The following NEK1 variants were observed in gnomAD, a reference collection of about 807,000 sequenced individuals.
NEK1 encodes the protein serine/threonine-protein kinase Nek1.
A neutral mutation model predicts 182.1 loss-of-function variants in NEK1; 137 were observed. That is an observed-to-expected ratio of 0.75 (90% CI 0.65 to 0.87). The LOEUF is 0.87. NEK1 is among the 40% of genes least tolerant of loss of function. The pLI is 0.00. For synonymous variants in NEK1, 513 were observed against 492.2 expected (o/e 1.04, Z -0.56); for missense variants, 1,391 against 1,494.4 (o/e 0.93, Z 1.14).
intron 31 of NEK1, 147 bp downstream of exon 31, chr4:169,424,406 T>G: frequency 1.1e-6 from 1 of 951,540 alleles, no homozygotes. Flanking sequence ...CAATTGCAAT[T>G]TATTTGCTCA....
intron 18 of NEK1, among the ~76,000 whole-genome samples, chr4:169,543,605 T>A (rs1366836795): frequency 6.6e-6 from 1 of 152,258 alleles, no homozygotes; most frequent in Admixed American, 6.5e-5. Context: ...ATATTGGTTC[T>A]TCCTATCCAT....
At position 169,506,933 on chromosome 4, in the gene NEK1, CAG is replaced by C. The variant is rs1009043543; in HGVS notation, c.2007+102_2007+103del. 4 of 608,060 alleles carry C rather than the reference CAG, an allele frequency of 6.6e-6. No homozygotes were observed. In the African/African-American group the frequency reaches 1.1e-4, roughly 16 times the overall value. 37.7% of individuals were successfully genotyped at this position (608,060 alleles called of 1,614,324 possible). The stretch of plus-strand genomic sequence containing the variant: ...GAGAGAGAGAATGAGAATGAAAAAA[CAG>C]AAAAAAAAAAGCACAAGAAAATTAT... On this transcript the variant is annotated intron_variant, in intron 23 of 35. Transcript: ENST00000507142.
intron 23 of NEK1, among the ~76,000 whole-genome samples, chr4:169,486,533 A>T (rs1417416387): frequency 6.6e-6 from 1 of 152,244 alleles, no homozygotes; most frequent in African/African-American, 2.4e-5. Flanking sequence ...CATATTTTGA[A>T]TAGAGTAATT....
chr4:169,496,285 A>G (rs1202797711), intron 23 of NEK1, among the ~76,000 whole-genome samples: 1 of 151,970 alleles, frequency 6.6e-6, no homozygotes, highest in East Asian at 1.9e-4. Flanking sequence ...GTTGCCTATC[A>G]GCTTAAGGAG....
intron 4 of NEK1, among the ~76,000 whole-genome samples, chr4:169,600,865 G>A (rs914725732): frequency 2.6e-5 from 4 of 151,958 alleles, no homozygotes; most frequent in African/African-American, 4.8e-5. Flanking sequence ...TTTAAAATAC[G>A]CTACCCCTTT....
At chr4:169,435,788 C>T (rs1315347637) in intron 28 of NEK1, among the ~76,000 whole-genome samples, 3 of 152,112 alleles carry the variant, frequency 2.0e-5, no homozygotes, top group Admixed American at 6.5e-5. Flanking sequence ...CGTCATTTTG[C>T]GTCTTCCAAA....
intron 18 of NEK1, among the ~76,000 whole-genome samples, chr4:169,540,962 C>T (rs1490438387): frequency 6.6e-6 from 1 of 151,250 alleles, no homozygotes; most frequent in Non-Finnish European, 1.5e-5. Context: ...GAATAAGCAA[C>T]AAGATTTGGC....
At chr4:169,458,602 C>A (rs918574635) in intron 27 of NEK1, among the ~76,000 whole-genome samples, 2 of 152,012 alleles carry the variant, frequency 1.3e-5, no homozygotes, top group Admixed American at 1.3e-4. Context: ...ATGATGCACA[C>A]TGGTGGTCCC....
In NEK1 at chr4:169,464,243, A is replaced by C. The variant is rs569695945; in HGVS notation, c.2435-848T>G. On this transcript the variant is annotated intron_variant, in intron 26 of 35. Transcript: ENST00000507142. ...AATGTGTTTAAGATAACTAAGCAGC[A>C]CAGTATTATCACCAGAATACCTGAG... is the stretch of plus-strand genomic sequence containing the variant. 2.4e-4 allele frequency among the ~76,000 whole-genome samples: 37 copies of C among 152,314 alleles called. No homozygotes were observed. In the East Asian group the frequency reaches 3.1e-3, roughly 13 times the overall value.
chr4:169,449,014 G>A lies in NEK1; in HGVS notation c.2588-10755C>T, dbSNP rs980113428. Among the ~76,000 whole-genome samples, 5 of 152,336 alleles carry A rather than the reference G, an allele frequency of 3.3e-5. No homozygotes were observed. In the South Asian group the frequency reaches 1.0e-3, roughly 32 times the overall value. ...GACTAGGTGATTCTCTCCTGTGCCTGGCTCGGCAGGTCCCACGCCCACAGA... is the reference window on the plus strand; with the variant it reads ...GACTAGGTGATTCTCTCCTGTGCCTAGCTCGGCAGGTCCCACGCCCACAGA... On this transcript the variant is annotated intron_variant, in intron 27 of 35. Transcript: ENST00000507142.
chr4:169,486,580 C>T (rs1749081217), intron 23 of NEK1, among the ~76,000 whole-genome samples: 1 of 152,136 alleles, frequency 6.6e-6, no homozygotes, highest in Non-Finnish European at 1.5e-5. Flanking sequence ...TATATCATGG[C>T]CAAATCTTAT....
At chr4:169,524,955 C>T (rs530671762) in intron 19 of NEK1, among the ~76,000 whole-genome samples, 92 of 152,230 alleles carry the variant, frequency 6.0e-4, no homozygotes, top group African/African-American at 2.1e-3. Context: ...CAAGCAAAGC[C>T]ACGAATGCTT....
rs540091064 is a variant in NEK1 at position 169,597,103 on chromosome 4, G to A, written c.312+1997C>T. Among the ~76,000 whole-genome samples, 7 of 152,258 alleles carry A rather than the reference G, an allele frequency of 4.6e-5. No individual in the cohort carries two copies. The South Asian group carries it at 1.5e-3, about 32-fold the overall frequency. ...TTTAATAGCAAACATTTTAAAGTTC[G>A]ATAGGGATAAATGAATGAAAATAAG... On this transcript the variant is annotated intron_variant, in intron 5 of 35. Coordinates refer to ENST00000507142, the MANE Select transcript of NEK1 (RefSeq NM_001199397.3).
chr4:169,511,488 G>A (rs1754171846), intron 19 of NEK1, among the ~76,000 whole-genome samples: 1 of 152,028 alleles, frequency 6.6e-6, no homozygotes, highest in South Asian at 2.1e-4. Flanking sequence ...TTACTCTGAA[G>A]TTTTAAAACC....
intron 31 of NEK1, among the ~76,000 whole-genome samples, chr4:169,415,178 C>T (rs1379776024): frequency 6.6e-6 from 1 of 152,186 alleles, no homozygotes; most frequent in Non-Finnish European, 1.5e-5. Context: ...TAAACAAAAG[C>T]ATGAGAAAAC....
intron 19 of NEK1, among the ~76,000 whole-genome samples, chr4:169,526,414 A>G (rs1316075450): frequency 6.6e-6 from 1 of 152,158 alleles, no homozygotes; most frequent in Non-Finnish European, 1.5e-5. Context: ...ACTTGAGCCT[A>G]AAAGTGTGAG....
intron 29 of NEK1, among the ~76,000 whole-genome samples, chr4:169,429,450 T>C (rs538567633): frequency 8.0e-4 from 122 of 152,300 alleles, no homozygotes; most frequent in African/African-American, 2.8e-3. Flanking sequence ...GGCTCTACCA[T>C]TTCATATATG....
At chr4:169,475,812 A>C (rs1746844156) in intron 26 of NEK1, among the ~76,000 whole-genome samples, 1 of 152,152 alleles carries the variant, frequency 6.6e-6, no homozygotes, top group African/African-American at 2.4e-5. Context: ...TGAGATGAAA[A>C]GTACATTGAA....
chr4:169,485,862 C>T (rs1027232692), intron 23 of NEK1, among the ~76,000 whole-genome samples: 2 of 151,486 alleles, frequency 1.3e-5, no homozygotes, highest in African/African-American at 4.9e-5. Context: ...TCTCACCAGA[C>T]CAGTGAGACT....
Sources: gnomAD v4.1 joint callset for allele counts (sites outside exome capture counted in the v4.1 genomes callset) on GRCh38, gnomAD v4.1.1 for gene constraint, MANE v1.5 for transcripts, NCBI Gene and HGNC (gene_info 2026-07-23, HGNC 2026-07-21) for gene names.